Variants in OPHN1 observed in about 807,000 individuals in gnomAD.
OPHN1 encodes the protein oligophrenin 1.
OPHN1 carries 11 observed loss-of-function variants against 60.7 expected under a neutral mutation model. That is an observed-to-expected ratio of 0.18 (90% CI 0.11 to 0.30). OPHN1 has a LOEUF of 0.30. OPHN1 is among the 10% of genes least tolerant of loss of function. The pLI, the probability that OPHN1 is intolerant of heterozygous loss-of-function variation, is 1.00. For synonymous variants in OPHN1, 226 were observed against 222.6 expected (o/e 1.02, Z -0.14); for missense variants, 449 against 611.0 (o/e 0.73, Z 2.80).
chrX:68,226,425 T>A (rs774007079), intron 6 of OPHN1, among the ~76,000 whole-genome samples: 9 of 110,630 alleles, frequency 8.1e-5, no homozygotes, highest in African/African-American at 3.0e-4. Context: ...AGACACATAA[T>A]TGTCAGATTC....
intron 15 of OPHN1, among the ~76,000 whole-genome samples, chrX:68,120,475 T>C (rs772148880): frequency 8.9e-6 from 1 of 111,744 alleles, no homozygotes; most frequent in African/African-American, 3.3e-5. Context: ...TATAAAACAC[T>C]GATAAAACAA....
rs113951085 is a variant in OPHN1, at chrX:68,293,232, T to C, written c.250+5769A>G. Among the ~76,000 whole-genome samples, 816 of 112,391 alleles carry C rather than the reference T, an allele frequency of 7.3e-3. 10 individuals carry two copies. Among genetic ancestry groups the C allele is most frequent in the African/African-American group, 0.025 (771 of 30,959 alleles). Reference sequence around the variant, plus strand: ...TCAAAAGATACTTCAACTGGTTTTGTAGAAAAAAATACCAACAAAAGCCCT... The same window carrying C: ...TCAAAAGATACTTCAACTGGTTTTGCAGAAAAAAATACCAACAAAAGCCCT... On this transcript the variant is annotated intron_variant, in intron 3 of 24. Transcript: ENST00000355520.
intron 15 of OPHN1, among the ~76,000 whole-genome samples, chrX:68,169,632 C>A (rs868789530): frequency 9.1e-6 from 1 of 109,463 alleles, no homozygotes; most frequent in Non-Finnish European, 1.9e-5. Context: ...CGCCACATAT[C>A]TACAACTATC....
chrX:68,417,191 G>T (rs1400017692), intron 2 of OPHN1, among the ~76,000 whole-genome samples: 5 of 111,272 alleles, frequency 4.5e-5, no homozygotes, highest in Non-Finnish European at 9.4e-5. Flanking sequence ...CACCTCTGGG[G>T]TTCAAGCAAC....
intron 2 of OPHN1, among the ~76,000 whole-genome samples, chrX:68,328,351 A>C (rs2078278007): frequency 9.1e-6 from 1 of 109,348 alleles, no homozygotes; most frequent in Admixed American, 9.9e-5. Flanking sequence ...GATGGTCTCG[A>C]TCTCCTGACC....
chrX:68,202,892 G>T (rs1053409060), intron 10 of OPHN1, among the ~76,000 whole-genome samples: 2 of 111,726 alleles, frequency 1.8e-5, no homozygotes, highest in Non-Finnish European at 1.9e-5. Flanking sequence ...CATCCAAATT[G>T]GTATAGTGGA....
chrX:68,321,770 A>C (rs2078236618), intron 2 of OPHN1, among the ~76,000 whole-genome samples: 1 of 110,428 alleles, frequency 9.1e-6, no homozygotes, highest in Non-Finnish European at 1.9e-5. Flanking sequence ...TCCACTACAA[A>C]TATAAAAATT....
At chrX:68,207,304 AT>A (rs769423885) in intron 9 of OPHN1, among the ~76,000 whole-genome samples, 1 of 106,927 alleles carries the variant, frequency 9.4e-6, no homozygotes, top group South Asian at 4.2e-4. Flanking sequence ...AACTTTTTGT[AT>A]TTTTTTTAGT....
Position 68,267,992 on chromosome X carries a change from T to G in OPHN1, c.384+6746A>C, listed in dbSNP as rs183876828. 5.7e-3 allele frequency among the ~76,000 whole-genome samples: 636 copies of G among 111,683 alleles called. 7 individuals are homozygous for G. Among genetic ancestry groups the G allele is most frequent in the African/African-American group, 0.02 (605 of 30,700 alleles). On this transcript the variant is annotated intron_variant, in intron 5 of 24. Coordinates refer to ENST00000355520, the MANE Select transcript of OPHN1 (RefSeq NM_002547.3). ...TCCCAAGACTAAACCAGGAAGGAGT[T>G]GAATCTCTGAATAGACCAGTAACAG...
intron 2 of OPHN1, among the ~76,000 whole-genome samples, chrX:68,356,526 C>A (rs957655377): frequency 5.4e-5 from 6 of 110,562 alleles, no homozygotes; most frequent in African/African-American, 2.0e-4. Flanking sequence ...GATTCTCCTG[C>A]CTTGGCCTCC....
chrX:68,205,593 T>C (rs931283382), intron 10 of OPHN1, among the ~76,000 whole-genome samples: 1 of 111,703 alleles, frequency 9.0e-6, no homozygotes, highest in South Asian at 3.7e-4. Context: ...AAAAGACCAC[T>C]CTCACTCCAA....
intron 22 of OPHN1, 48 bp from the exon 23 acceptor site, chrX:68,052,638 G>A (rs752729117): frequency 8.2e-6 from 9 of 1,095,675 alleles, no homozygotes; most frequent in South Asian, 5.8e-5. Flanking sequence ...TGGTATACAC[G>A]TGAGAACCAA....
At chrX:68,154,335 C>T (rs918904169) in intron 15 of OPHN1, among the ~76,000 whole-genome samples, 6 of 112,506 alleles carry the variant, frequency 5.3e-5, no homozygotes, top group South Asian at 3.7e-4. Flanking sequence ...TCCAGAGCCC[C>T]TTTCACCTAT....
At chrX:68,371,038 T>C (rs968871863) in intron 2 of OPHN1, among the ~76,000 whole-genome samples, 1 of 110,995 alleles carries the variant, frequency 9.0e-6, no homozygotes, top group African/African-American at 3.3e-5. Flanking sequence ...ACTTTAAATG[T>C]ATGGTGTGAA....
chrX:68,065,005 G>C (rs1176533125), intron 20 of OPHN1, among the ~76,000 whole-genome samples: 3 of 110,663 alleles, frequency 2.7e-5, no homozygotes, highest in African/African-American at 9.9e-5. Flanking sequence ...GGTGGGCGGA[G>C]GGGGGAGGGA....
chrX:68,216,791 G>C (rs917737339), intron 6 of OPHN1, among the ~76,000 whole-genome samples: 1 of 109,581 alleles, frequency 9.1e-6, no homozygotes, highest in Non-Finnish European at 1.9e-5. Context: ...AAATCAGCAA[G>C]AAAAAAAAAT....
chrX:68,292,399 T>C (rs1170060758), intron 3 of OPHN1, among the ~76,000 whole-genome samples: 2 of 112,004 alleles, frequency 1.8e-5, no homozygotes, highest in Non-Finnish European at 3.8e-5. Flanking sequence ...TTGTAAAATC[T>C]TTTTATGGAT....
intron 2 of OPHN1, among the ~76,000 whole-genome samples, chrX:68,346,028 T>C (rs2078377568): frequency 9.0e-6 from 1 of 111,352 alleles, no homozygotes; most frequent in Non-Finnish European, 1.9e-5. Flanking sequence ...ACTAGGGGGC[T>C]GAGGTGGGAA....
intron 16 of OPHN1, among the ~76,000 whole-genome samples, chrX:68,117,374 T>C (rs1021763126): frequency 8.9e-6 from 1 of 111,996 alleles, no homozygotes; most frequent in African/African-American, 3.2e-5. Context: ...ATACCTTTCC[T>C]TCAGAGTACT....
Sources: allele counts gnomAD v4.1 joint callset (sites outside exome capture counted in the v4.1 genomes callset), GRCh38; gene constraint gnomAD v4.1.1; transcripts MANE v1.5; gene names NCBI Gene and HGNC (gene_info 2026-07-23, HGNC 2026-07-21).